ADAMTSL1: variants seen among roughly 807,000 people sequenced by gnomAD.
The protein encoded by ADAMTSL1 is ADAMTS-like protein 1.
In ADAMTSL1, 126 loss-of-function variants were observed where a neutral mutation model predicts 201.8. The observed-to-expected ratio is 0.62, with a 90% CI of 0.54 to 0.72. ADAMTSL1 has a LOEUF of 0.72. Ranked by LOEUF, ADAMTSL1 falls within the 30% of genes least tolerant of loss-of-function variation. ADAMTSL1 has a pLI of 0.00. For missense variants in ADAMTSL1, 2,679 were observed against 2,277.8 expected (o/e 1.18, Z -3.59); for synonymous variants, 1,121 against 903.4 (o/e 1.24, Z -4.32).
intron 2 of ADAMTSL1, among the ~76,000 whole-genome samples, chr9:18,532,738 T>G (rs1027627091): frequency 3.3e-5 from 5 of 151,512 alleles, no homozygotes; most frequent in African/African-American, 1.2e-4. Flanking sequence ...GTAATCTGTC[T>G]TTTCCAAAAC....
intron 1 of ADAMTSL1, among the ~76,000 whole-genome samples, chr9:17,937,718 C>T (rs1257633165): frequency 7.7e-6 from 1 of 129,382 alleles, no homozygotes; most frequent in Non-Finnish European, 1.7e-5. Context: ...TATGTTTCCT[C>T]ATCTCTCTCT....
rs1479257982 is a variant in ADAMTSL1, at chr9:18,910,809, A to ATGTT, written c.*2266_*2269dup. On this transcript the variant is annotated 3_prime_UTR_variant, in exon 29 of 29. Transcript: ENST00000380548. Reference sequence around the variant, plus strand: ...GTTGCATGAAATGAATGTACATTTAATGTTTGTTCTGTGAATTGCAACTCA... The same window carrying ATGTT: ...GTTGCATGAAATGAATGTACATTTAATGTTTGTTTGTTCTGTGAATTGCAACTCA... 6.6e-6 allele frequency: 1 copy of ATGTT among 152,240 alleles called. No individual in the cohort carries two copies. Among genetic ancestry groups the ATGTT allele is most frequent in the African/African-American group, 2.4e-5 (1 of 41,472 alleles). The allele number at this position is 152,240 out of a possible 1,614,324, so 9.4% of individuals were successfully genotyped here.
chr9:18,060,101 G>A (rs1222171824), intron 1 of ADAMTSL1, among the ~76,000 whole-genome samples: 2 of 152,218 alleles, frequency 1.3e-5, no homozygotes, highest in Admixed American at 6.5e-5. Flanking sequence ...TCCTTCCAGA[G>A]TTGGTTTATT....
Position 18,254,345 on chromosome 9 carries a change from G to GTTTTTTT in ADAMTSL1, c.207+90393_207+90399dup, listed in dbSNP as rs59026505. ...GGAACTACCGTCAATACTCTTTTTG[G>GTTTTTTT]TTTTTTTTTTTTTTTTTTTTTTTTT... On this transcript the variant is annotated intron_variant, in intron 2 of 29. Coordinates refer to the ADAMTSL1 transcript ENST00000680146. Among the ~76,000 whole-genome samples, 124 of 49,376 alleles carry GTTTTTTT rather than the reference G, an allele frequency of 2.5e-3. 17 individuals carry two copies. Among genetic ancestry groups the GTTTTTTT allele is most frequent in the Non-Finnish European group, 3.1e-3 (90 of 28,714 alleles). The allele number at this position is 49,376 out of a possible 152,430, so 32.4% of individuals were successfully genotyped here.
At chr9:18,573,984 G>T (rs1822522121) in intron 3 of ADAMTSL1, 46 bp from the exon 4 acceptor site, 6 of 1,508,758 alleles carry the variant, frequency 4.0e-6, no homozygotes, top group Admixed American at 3.5e-5. Flanking sequence ...CATGTTTGGG[G>T]GTATCCTCCT....
chr9:18,838,071 C>G (rs186549476), intron 23 of ADAMTSL1, among the ~76,000 whole-genome samples: 3 of 152,172 alleles, frequency 2.0e-5, no homozygotes, highest in African/African-American at 7.2e-5. Context: ...GTTTAATGGA[C>G]TTACAGTTCC....
chr9:18,619,927 T>C (rs1162541191), intron 4 of ADAMTSL1, among the ~76,000 whole-genome samples: 3 of 151,828 alleles, frequency 2.0e-5, no homozygotes, highest in Non-Finnish European at 4.4e-5. Flanking sequence ...GTAGAGTCAA[T>C]AATGCTTTGA....
At chr9:18,522,562 G>C (rs1366143249) in intron 2 of ADAMTSL1, among the ~76,000 whole-genome samples, 1 of 151,792 alleles carries the variant, frequency 6.6e-6, no homozygotes, top group Admixed American at 6.6e-5. Context: ...TTTACATTAA[G>C]TATATCCCCT....
At chr9:18,055,941 G>A (rs548998707) in intron 1 of ADAMTSL1, among the ~76,000 whole-genome samples, 3 of 152,244 alleles carry the variant, frequency 2.0e-5, no homozygotes, top group East Asian at 1.9e-4. Context: ...TTAAAAATAC[G>A]CTCATTAATT....
In ADAMTSL1 at chr9:18,904,633, C is replaced by CAAA. The variant is rs71333072; in HGVS notation, c.4852-1112_4852-1110dup. 2.2e-3 allele frequency among the ~76,000 whole-genome samples: 33 copies of CAAA among 15,006 alleles called. 5 individuals carry two copies. Among genetic ancestry groups the CAAA allele is most frequent in the African/African-American group, 3.4e-3 (16 of 4,642 alleles). 9.8% of individuals were successfully genotyped at this position (15,006 alleles called of 152,430 possible). On this transcript the variant is annotated intron_variant, in intron 26 of 28. Transcript: ENST00000380548. ...TGGGCAACAGAAAGAGACCCTGCCT[C>CAAA]AAAAAAAAAAAAAAAAAAAAAAAAA...
chr9:18,056,826 C>T (rs1015367281), intron 1 of ADAMTSL1, among the ~76,000 whole-genome samples: 8 of 152,136 alleles, frequency 5.3e-5, no homozygotes, highest in African/African-American at 1.9e-4. Context: ...ACTTCTCTCC[C>T]TGCAGTGCCC....
intron 2 of ADAMTSL1, among the ~76,000 whole-genome samples, chr9:18,459,535 G>A (rs1820731254): frequency 6.6e-6 from 1 of 152,122 alleles, no homozygotes. Flanking sequence ...GTGAACAGGA[G>A]TCACCAAATC....
chr9:18,794,628 T>TG (rs1236149407), intron 19 of ADAMTSL1, among the ~76,000 whole-genome samples: 5 of 141,396 alleles, frequency 3.5e-5, no homozygotes, highest in African/African-American at 1.3e-4. Context: ...TTTTTGTTGT[T>TG]TTTTTTTGTT....
rs570157672 is a variant in ADAMTSL1, at chr9:18,723,291, T to C, written c.2006+1626T>C. 64 of 583,088 alleles carry C rather than the reference T, an allele frequency of 1.1e-4. No homozygotes were observed. In the African/African-American group the frequency reaches 1.1e-3, roughly 10 times the overall value. 36.1% of individuals were successfully genotyped at this position (583,088 alleles called of 1,614,324 possible). A position where few individuals can be genotyped will look rare whatever the true frequency, so the allele number is the denominator to read the frequency against. Reference sequence around the variant, plus strand: ...CTAATCATTCCTGTAATTTCTGTTCTGCTTATTTGCCATTATTTGAAAAAC... The same window carrying C: ...CTAATCATTCCTGTAATTTCTGTTCCGCTTATTTGCCATTATTTGAAAAAC... On this transcript the variant is annotated intron_variant, in intron 15 of 28. Transcript: ENST00000380548.
chr9:18,783,688 CACTT>C (rs143529719), intron 19 of ADAMTSL1, among the ~76,000 whole-genome samples: 1,708 of 152,290 alleles, frequency 0.011, 31 homozygotes, highest in African/African-American at 0.039. Flanking sequence ...CAAGTTCTCA[CACTT>C]AATAAGTGGT....
At chr9:18,645,460 G>A (rs909446494) in intron 7 of ADAMTSL1, among the ~76,000 whole-genome samples, 51 of 151,244 alleles carry the variant, frequency 3.4e-4, no homozygotes, top group African/African-American at 1.1e-3. Flanking sequence ...TGAAGTCCTT[G>A]CCCATGCCTA....
intron 4 of ADAMTSL1, among the ~76,000 whole-genome samples, chr9:18,612,387 A>G (rs1564088747): frequency 1.3e-5 from 2 of 152,176 alleles, no homozygotes; most frequent in Non-Finnish European, 2.9e-5. Context: ...TTGAAATCGC[A>G]ATATATCCCT....
Position 18,156,342 on chromosome 9 carries a change from T to C in ADAMTSL1, c.88-7520T>C, listed in dbSNP as rs543566921. Among the ~76,000 whole-genome samples the C allele has an allele frequency of 4.6e-5, 7 of 152,090 alleles. No homozygotes were observed. The East Asian group carries it at 1.4e-3, about 30-fold the overall frequency. ...GCAGGGGTGAAGAAAGAAGTTCCTTTGCCAATTTATCTTCAACTTGATTTA... is the reference window on the plus strand; with the variant it reads ...GCAGGGGTGAAGAAAGAAGTTCCTTCGCCAATTTATCTTCAACTTGATTTA... On this transcript the variant is annotated intron_variant, in intron 1 of 29. Coordinates refer to the ADAMTSL1 transcript ENST00000680146.
chr9:18,252,430 A>G (rs1327047671), intron 2 of ADAMTSL1, among the ~76,000 whole-genome samples: 1 of 152,162 alleles, frequency 6.6e-6, no homozygotes, highest in African/African-American at 2.4e-5. Context: ...AAATCCTTGA[A>G]TGTTCAAGTC....
Sources: gnomAD v4.1 joint callset for allele counts (sites outside exome capture counted in the v4.1 genomes callset) on GRCh38, gnomAD v4.1.1 for gene constraint, MANE v1.5 for transcripts, NCBI Gene and HGNC (gene_info 2026-07-23, HGNC 2026-07-21) for gene names.